Variants in FRY observed in about 807,000 individuals in gnomAD.
FRY encodes FRY microtubule binding protein.
Under a neutral mutation model 348.4 loss-of-function variants are expected in FRY, and 128 were observed. The ratio of observed to expected loss-of-function variants is 0.37; its 90% CI spans 0.32 to 0.43. The LOEUF (loss-of-function observed/expected upper bound fraction) is 0.43. Ranked by LOEUF, FRY falls within the 20% of genes least tolerant of loss-of-function variation. The pLI is 1.00. For missense variants in FRY, 2,736 were observed against 3,695.2 expected, an observed-to-expected ratio of 0.74 and a Z score of 6.73; for synonymous variants, 1,370 against 1,374.7, an observed-to-expected ratio of 1.00 and a Z score of 0.08.
At chr13:32,248,160 A>G (rs1369443688) in intron 48 of FRY, among the ~76,000 whole-genome samples, 1 of 152,214 alleles carries the variant, frequency 6.6e-6, no homozygotes, top group African/African-American at 2.4e-5. Context: ...TGAACCCCCA[A>G]AGCAGAAACT....
intron 35 of FRY, among the ~76,000 whole-genome samples, chr13:32,214,020 A>G (rs1884832549): frequency 1.3e-5 from 2 of 152,222 alleles, no homozygotes; most frequent in South Asian, 4.1e-4. Flanking sequence ...TTTTATACTG[A>G]TATTTATCTA....
chr13:32,182,494 A>G (rs1882771827), intron 23 of FRY, among the ~76,000 whole-genome samples: 1 of 152,210 alleles, frequency 6.6e-6, no homozygotes, highest in Non-Finnish European at 1.5e-5. Context: ...ACAGATCCCA[A>G]ATGCAGCACT....
Position 32,262,560 on chromosome 13 carries a change from G to A in FRY, c.7779+85G>A, listed in dbSNP as rs949544160. The A allele has an allele frequency of 4.2e-5, 43 of 1,012,392 alleles. No homozygotes were observed. In the African/African-American group the frequency reaches 6.2e-4, roughly 15 times the overall value. The allele number at this position is 1,012,392 out of a possible 1,614,324, so 62.7% of individuals were successfully genotyped here. A position where few individuals can be genotyped will look rare whatever the true frequency, so the allele number is the denominator to read the frequency against. On this transcript the variant is annotated intron_variant, in intron 53 of 60. Transcript: ENST00000542859. ...TTCCAATTTTCTGAGAATTCTTAAG[G>A]GGTCTCAAGTAGAAAGACTATCTTT...
At chr13:32,075,225 C>A (rs547934888) in intron 1 of FRY, among the ~76,000 whole-genome samples, 1 of 152,130 alleles carries the variant, frequency 6.6e-6, no homozygotes, top group South Asian at 2.1e-4. Context: ...GAAATGGAAA[C>A]CTTTGGAAAT....
At chr13:32,071,824 CTAACAA>C (rs543859462) in intron 1 of FRY, among the ~76,000 whole-genome samples, 74 of 151,638 alleles carry the variant, frequency 4.9e-4, no homozygotes, top group Non-Finnish European at 8.5e-4. Flanking sequence ...TATGTATAGC[CTAACAA>C]TAATATATTA....
At chr13:32,205,080 G>A (rs1460855807) in intron 31 of FRY, among the ~76,000 whole-genome samples, 1 of 151,976 alleles carries the variant, frequency 6.6e-6, no homozygotes, top group Non-Finnish European at 1.5e-5. Flanking sequence ...GCACATGCCT[G>A]TAGTCCCAGC....
chr13:32,181,219 G>A (rs1164107130), intron 23 of FRY, among the ~76,000 whole-genome samples: 1 of 151,966 alleles, frequency 6.6e-6, no homozygotes, highest in Non-Finnish European at 1.5e-5. Context: ...AAGTAATTGT[G>A]GGTTCTGACT....
At chr13:32,254,077 A>T in intron 50 of FRY, 147 bp from the exon 51 acceptor site, 1 of 789,866 alleles carries the variant, frequency 1.3e-6, no homozygotes. Context: ...GTCCAACATA[A>T]ATAATAAAAG....
intron 24 of FRY, among the ~76,000 whole-genome samples, chr13:32,184,199 TA>T (rs1322112745): frequency 6.6e-6 from 1 of 152,102 alleles, no homozygotes; most frequent in Non-Finnish European, 1.5e-5. Flanking sequence ...AAATAAAATG[TA>T]AAAATAAAGA....
chr13:32,243,711 AC>A (rs1461317836), intron 46 of FRY, among the ~76,000 whole-genome samples: 1 of 152,138 alleles, frequency 6.6e-6, no homozygotes, highest in Non-Finnish European at 1.5e-5. Flanking sequence ...TTTTATACTT[AC>A]ATATTTACAC....
At chr13:32,153,737 A>G (rs1188915784) in intron 14 of FRY, among the ~76,000 whole-genome samples, 2 of 152,202 alleles carry the variant, frequency 1.3e-5, no homozygotes, top group African/African-American at 4.8e-5. Context: ...CTGGCTTACA[A>G]GAGATATTTG....
chr13:32,058,238 C>T (rs1243430296), intron 1 of FRY, among the ~76,000 whole-genome samples: 2 of 152,012 alleles, frequency 1.3e-5, no homozygotes, highest in Admixed American at 6.6e-5. Flanking sequence ...GTAAACTTCC[C>T]CTAATCATGA....
intron 2 of FRY, among the ~76,000 whole-genome samples, chr13:32,098,542 G>A (rs1442296248): frequency 6.6e-6 from 1 of 152,056 alleles, no homozygotes; most frequent in African/African-American, 2.4e-5. Flanking sequence ...AGGCTTTGCA[G>A]GCATGTACAG....
intron 1 of FRY, among the ~76,000 whole-genome samples, chr13:32,036,266 C>A (rs1166711429): frequency 1.3e-5 from 2 of 152,120 alleles, no homozygotes; most frequent in African/African-American, 4.8e-5. Flanking sequence ...TAATTGGGTT[C>A]TTTAAATAGA....
At chr13:32,159,843 G>T (rs1449675188) in intron 16 of FRY, among the ~76,000 whole-genome samples, 1 of 152,202 alleles carries the variant, frequency 6.6e-6, no homozygotes, top group East Asian at 1.9e-4. Context: ...ACACTGTACA[G>T]CTATTGAGGA....
chr13:32,173,599 G>A, intron 19 of FRY, 50 bp downstream of exon 19: 1 of 1,338,184 alleles, frequency 7.5e-7, no homozygotes. Context: ...CAACTCTTCT[G>A]AAATTTAGAT....
At chr13:32,192,064 T>C (rs1226328938) in intron 28 of FRY, among the ~76,000 whole-genome samples, 2 of 152,118 alleles carry the variant, frequency 1.3e-5, no homozygotes, top group East Asian at 3.9e-4. Context: ...GACAGGCTGG[T>C]GTTTAAGAGA....
intron 35 of FRY, among the ~76,000 whole-genome samples, chr13:32,216,421 A>T (rs1381538593): frequency 6.6e-6 from 1 of 152,214 alleles, no homozygotes; most frequent in Non-Finnish European, 1.5e-5. Context: ...CCAGCCTCAT[A>T]AACTCCACCC....
intron 18 of FRY, among the ~76,000 whole-genome samples, chr13:32,172,679 T>C (rs1329917628): frequency 6.6e-6 from 1 of 152,128 alleles, no homozygotes; most frequent in East Asian, 1.9e-4. Flanking sequence ...GGCAGTATAG[T>C]AGCATCTGGG....
Sources: allele counts gnomAD v4.1 joint callset (sites outside exome capture counted in the v4.1 genomes callset), GRCh38; gene constraint gnomAD v4.1.1; transcripts MANE v1.5; gene names NCBI Gene and HGNC (gene_info 2026-07-23, HGNC 2026-07-21).